Variants in ROBO2 observed in about 807,000 individuals in gnomAD.
ROBO2 encodes the protein roundabout homolog 2.
A neutral mutation model predicts 160.8 loss-of-function variants in ROBO2; 53 were observed. That is an observed-to-expected ratio of 0.33 (90% CI 0.26 to 0.41). The LOEUF is 0.41. Ranked by LOEUF, ROBO2 falls within the 10% of genes least tolerant of loss-of-function variation. The pLI is 1.00. For synonymous variants in ROBO2, 664 were observed against 611.7 expected (o/e 1.09, Z -1.26); for missense variants, 1,577 against 1,722.4 (o/e 0.92, Z 1.49).
chr3:77,608,007 G>A, intron 21 of ROBO2, 53 bp downstream of exon 22: 1 of 1,589,380 alleles, frequency 6.3e-7, no homozygotes, highest in Non-Finnish European at 8.6e-7. Context: ...TCTCCTCTCT[G>A]TTGTTCATTT....
At chr3:76,836,444 T>G (rs566866834) in intron 2 of ROBO2, among the ~76,000 whole-genome samples, 2 of 151,574 alleles carry the variant, frequency 1.3e-5, no homozygotes, top group Non-Finnish European at 3.0e-5. Context: ...TTGTTTTTTT[T>G]TTTTAGATTC....
chr3:75,951,149 C>G (rs1280268120), intron 2 of ROBO2, among the ~76,000 whole-genome samples: 2 of 151,898 alleles, frequency 1.3e-5, no homozygotes, highest in Non-Finnish European at 2.9e-5. Context: ...CCCAATTTAT[C>G]CCCCCTGTAT....
At chr3:76,987,656 T>G (rs2060456980) in intron 2 of ROBO2, among the ~76,000 whole-genome samples, 1 of 152,194 alleles carries the variant, frequency 6.6e-6, no homozygotes, top group Non-Finnish European at 1.5e-5. Context: ...CAGTGATATT[T>G]TATGTTCAAA....
intron 2 of ROBO2, among the ~76,000 whole-genome samples, chr3:76,672,328 A>G (rs1295931515): frequency 2.0e-5 from 3 of 152,166 alleles, no homozygotes; most frequent in African/African-American, 7.2e-5. Context: ...GAACTTGGCC[A>G]GAACTTCATG....
At chr3:76,520,964 A>G (rs1444648793) in intron 2 of ROBO2, among the ~76,000 whole-genome samples, 2 of 150,992 alleles carry the variant, frequency 1.3e-5, no homozygotes, top group Admixed American at 6.6e-5. Context: ...TTCATTTATT[A>G]CTATTTTTTT....
chr3:77,522,909 G>T lies in ROBO2; in HGVS notation c.934+7G>T. 1.9e-6 allele frequency: 3 copies of T among 1,608,768 alleles called. No homozygotes were observed. Among genetic ancestry groups the T allele is most frequent in the Non-Finnish European group, 2.6e-6 (3 of 1,176,196 alleles). On this transcript the variant is annotated splice_region_variant and intron_variant, in intron 6 of 25. Transcript: ENST00000461745. ...GCTACACTCACCGTCCGAGGTAAGAGATTTAAGATGTCAAAGATAATTGAA... is the reference window on the plus strand; with the variant it reads ...GCTACACTCACCGTCCGAGGTAAGATATTTAAGATGTCAAAGATAATTGAA...
At chr3:77,105,220 C>A (rs2150131715) in intron 2 of ROBO2, among the ~76,000 whole-genome samples, 1 of 152,302 alleles carries the variant, frequency 6.6e-6, no homozygotes, top group Middle Eastern at 3.4e-3. Flanking sequence ...CATTCTCTAT[C>A]TTTCTTAAAA....
intron 2 of ROBO2, among the ~76,000 whole-genome samples, chr3:76,895,305 A>G (rs1205425364): frequency 6.6e-6 from 1 of 152,038 alleles, no homozygotes; most frequent in Non-Finnish European, 1.5e-5. Flanking sequence ...CCTACCTGAT[A>G]TTTTCCCTAC....
At chr3:76,663,166 G>C (rs574995383) in intron 2 of ROBO2, among the ~76,000 whole-genome samples, 168 of 152,258 alleles carry the variant, frequency 1.1e-3, no homozygotes, top group South Asian at 2.9e-3. Context: ...GAGAGACAAA[G>C]GAAAAGAAGA....
rs200430970 is a variant in ROBO2 at position 77,522,768 on chromosome 3, T to A, written c.807-7T>A. On this transcript the variant is annotated splice_region_variant and splice_polypyrimidine_tract_variant and intron_variant, in intron 5 of 25. Coordinates refer to ENST00000461745, the Ensembl canonical transcript of ROBO2. ...TATTTAATAAAACCAGTTCATTTTC[T>A]ACACAGGTATGACATCAAAGACGAT... 528 of 1,607,754 alleles carry A rather than the reference T, an allele frequency of 3.3e-4. 1 individual carries two copies. Among genetic ancestry groups the A allele is most frequent in the Non-Finnish European group, 3.2e-4 (377 of 1,175,500 alleles).
rs149578708 is a variant in ROBO2, at chr3:76,216,542, A to T, written c.109+278940A>T. ...CTGATAAAACAGACTTTAAACCAAC[A>T]AAGATCAAAAGAGACAAAGAAGGCC... On this transcript the variant is annotated intron_variant, in intron 2 of 26. Coordinates refer to the ROBO2 transcript ENST00000487694. Among the ~76,000 whole-genome samples, 678 of 152,294 alleles carry T rather than the reference A, an allele frequency of 4.5e-3. 30 individuals are homozygous for T. The East Asian group carries it at 0.1, about 23-fold the overall frequency.
chr3:76,246,316 G>A (rs1444745851), intron 2 of ROBO2, among the ~76,000 whole-genome samples: 2 of 152,078 alleles, frequency 1.3e-5, no homozygotes, highest in Admixed American at 6.6e-5. Flanking sequence ...GCAAGGCACA[G>A]GGTATAATTC....
At chr3:77,203,302 T>A (rs1042995327) in intron 2 of ROBO2, among the ~76,000 whole-genome samples, 1 of 152,204 alleles carries the variant, frequency 6.6e-6, no homozygotes, top group African/African-American at 2.4e-5. Context: ...TAATCTTTGA[T>A]GCAAACATGT....
chr3:76,442,677 A>T lies in ROBO2; in HGVS notation c.109+505075A>T, dbSNP rs977723338. ...ATTGCATGCTCTTCTGAGTAGCATG[A>T]TGAGATCTCTCATCTTCCCACTCCA... On this transcript the variant is annotated intron_variant, in intron 2 of 26. Transcript: ENST00000487694. Among the ~76,000 whole-genome samples the T allele has an allele frequency of 5.9e-5, 9 of 152,174 alleles. 1 individual carries two copies. The highest frequency in any genetic ancestry group is 1.2e-4 in the Non-Finnish European group (8 of 68,040).
At chr3:77,255,036 G>A (rs1580412677) in intron 2 of ROBO2, among the ~76,000 whole-genome samples, 1 of 152,214 alleles carries the variant, frequency 6.6e-6, no homozygotes, top group East Asian at 1.9e-4. Flanking sequence ...AAGAACTAGA[G>A]AAGGTGAGAC....
chr3:77,496,758 T>G (rs1483916485), intron 5 of ROBO2, among the ~76,000 whole-genome samples: 1 of 152,128 alleles, frequency 6.6e-6, no homozygotes, highest in Non-Finnish European at 1.5e-5. Context: ...AAGTTTAAAT[T>G]TATGAAATGC....
At chr3:77,269,082 A>G (rs1204693457) in intron 2 of ROBO2, among the ~76,000 whole-genome samples, 1 of 151,480 alleles carries the variant, frequency 6.6e-6, no homozygotes, top group Non-Finnish European at 1.5e-5. Flanking sequence ...ATCAGGTTTC[A>G]TATCCTGTGT....
intron 2 of ROBO2, among the ~76,000 whole-genome samples, chr3:76,489,154 G>GT (rs367830368): frequency 0.22 from 25,441 of 113,398 alleles, 3,875 homozygotes; most frequent in African/African-American, 0.43. Context: ...TCTTTTTTTT[G>GT]TTTTTTTTTT....
At chr3:76,030,332 T>C (rs1208529800) in intron 2 of ROBO2, among the ~76,000 whole-genome samples, 4 of 152,188 alleles carry the variant, frequency 2.6e-5, no homozygotes, top group Non-Finnish European at 5.9e-5. Flanking sequence ...TTCACTCTGA[T>C]GGCAGTTTCT....
Sources: gnomAD v4.1 joint callset for allele counts (sites outside exome capture counted in the v4.1 genomes callset) on GRCh38, gnomAD v4.1.1 for gene constraint, MANE v1.5 for transcripts, NCBI Gene and HGNC (gene_info 2026-07-23, HGNC 2026-07-21) for gene names.